The following HSBP1L1 variants were observed in gnomAD, a reference collection of about 807,000 sequenced individuals.
HSBP1L1 encodes the protein heat shock factor binding protein 1 like 1.
A neutral mutation model predicts 9.7 loss-of-function variants in HSBP1L1; 8 were observed. The observed-to-expected ratio is 0.82, with a 90% CI of 0.48 to 1.48. The LOEUF (loss-of-function observed/expected upper bound fraction) is 1.48, where lower values mean the gene tolerates loss of function less well. HSBP1L1 is among the 40% of genes most tolerant of loss of function. The pLI is 0.00. For synonymous variants in HSBP1L1, 39 were observed against 34.4 expected (o/e 1.13, Z -0.46); for missense variants, 106 against 95.8 (o/e 1.11, Z -0.44).
In HSBP1L1 at chr18:79,964,731, T is replaced by C; in HGVS notation, c.-5T>C. 2 of 1,416,382 alleles carry C rather than the reference T, an allele frequency of 1.4e-6. No homozygotes were observed. The highest frequency in any genetic ancestry group is 1.4e-5 in the South Asian group (1 of 70,838). 87.7% of individuals were successfully genotyped at this position (1,416,382 alleles called of 1,614,324 possible). A position where few individuals can be genotyped will look rare whatever the true frequency, so the allele number is the denominator to read the frequency against. ...CCCCACTGACGCCCCCGGCCAGCGG[T>C]CCACATGGACGTGCGGGGCCCTGAA... On this transcript the variant is annotated 5_prime_UTR_variant, in exon 1 of 4. Transcript: ENST00000451882.
intron 2 of HSBP1L1, 193 bp from the exon 3 acceptor site, chr18:79,967,896 A>G (rs1343633968): frequency 4.4e-6 from 2 of 451,396 alleles, no homozygotes. Context: ...CTAAGCTCAC[A>G]GTTTAAAGGT....
At chr18:79,965,827 G>T (rs1490325936) in intron 1 of HSBP1L1, among the ~76,000 whole-genome samples, 1 of 152,202 alleles carries the variant, frequency 6.6e-6, no homozygotes, top group Non-Finnish European at 1.5e-5. Context: ...TGATTCCCGC[G>T]CTGCTTGTTG....
chr18:79,969,283 G>A (rs1189451474), intron 3 of HSBP1L1, among the ~76,000 whole-genome samples: 6 of 24,028 alleles, frequency 2.5e-4, no homozygotes, highest in East Asian at 1.6e-3. Context: ...AGGGAGGGAG[G>A]GAGGGAGGGA....
chr18:79,970,373 CA>C, intron 3 of HSBP1L1, 66 bp from the exon 4 acceptor site: 1 of 717,732 alleles, frequency 1.4e-6, no homozygotes, highest in Non-Finnish European at 2.6e-6. Flanking sequence ...TTATTAAAAT[CA>C]GGGGTGAACA....
At chr18:79,970,081 C>A in intron 3 of HSBP1L1, 1 of 226,976 alleles carries the variant, frequency 4.4e-6, no homozygotes, top group Non-Finnish European at 9.1e-6. Context: ...ATTAAAGCAC[C>A]ACAGTGCCAC....
chr18:79,964,859 TG>T lies in HSBP1L1; in HGVS notation c.51+81del, dbSNP rs1243275558. On this transcript the variant is annotated intron_variant, in intron 1 of 3. Transcript: ENST00000451882. ...GCGGTTCTGGGGGGTTTTGAGGTCC[TG>T]GGGGGGGAGCCTGCGGTGCTGGGGG... The T allele has an allele frequency of 4.7e-3, 277 of 58,758 alleles. 6 individuals are homozygous for T. The highest frequency in any genetic ancestry group is 0.029 in the East Asian group (51 of 1,766). The allele number at this position is 58,758 out of a possible 1,614,324, so 3.6% of individuals were successfully genotyped here.
At chr18:79,968,926 G>A (rs1267287934) in intron 3 of HSBP1L1, among the ~76,000 whole-genome samples, 2 of 149,740 alleles carry the variant, frequency 1.3e-5, no homozygotes, top group Non-Finnish European at 3.0e-5. Flanking sequence ...GGCTCAGCCT[G>A]TAATCCCAGC....
chr18:79,965,287 G>A (rs2051251349), intron 1 of HSBP1L1, among the ~76,000 whole-genome samples: 1 of 152,216 alleles, frequency 6.6e-6, no homozygotes, highest in Non-Finnish European at 1.5e-5. Context: ...AAGAGGACTG[G>A]CTATGAGGAA....
At chr18:79,969,373 A>AAG (rs1435906293) in intron 3 of HSBP1L1, among the ~76,000 whole-genome samples, 1 of 51,312 alleles carries the variant, frequency 1.9e-5, no homozygotes, top group South Asian at 1.1e-3. Flanking sequence ...GAAAGAAAGA[A>AAG]AGAAAGAAAG....
At chr18:79,969,387 GAAAGAAAA>G (rs1302644992) in intron 3 of HSBP1L1, among the ~76,000 whole-genome samples, 70 of 69,246 alleles carry the variant, frequency 1.0e-3, no homozygotes, top group African/African-American at 2.0e-3. Context: ...AAGAAAGAAA[GAAAGAAAA>G]AAAAACGATG....
intron 3 of HSBP1L1, among the ~76,000 whole-genome samples, chr18:79,968,489 G>A (rs1235800923): frequency 6.6e-6 from 1 of 152,116 alleles, no homozygotes; most frequent in Non-Finnish European, 1.5e-5. Context: ...ACCACACCCA[G>A]CTAATTTTTG....
intron 2 of HSBP1L1, chr18:79,967,813 C>T (rs2051265268): frequency 3.1e-6 from 1 of 323,152 alleles, no homozygotes; most frequent in Non-Finnish European, 5.6e-6. Context: ...TTTACATACC[C>T]AGAGTTTGAC....
At chr18:79,970,177 C>T (rs2051287578) in intron 3 of HSBP1L1, 2 of 409,838 alleles carry the variant, frequency 4.9e-6, no homozygotes, top group South Asian at 3.4e-5. Context: ...GAAATCTAAG[C>T]TTTAGTTTTC....
chr18:79,968,060 G>T, intron 2 of HSBP1L1, 29 bp from the exon 3 acceptor site: 2 of 1,441,664 alleles, frequency 1.4e-6, no homozygotes, highest in Non-Finnish European at 1.9e-6. Context: ...CTGGACTCCA[G>T]CTCTACGCAG....
chr18:79,969,882 C>T (rs2051286088), intron 3 of HSBP1L1, among the ~76,000 whole-genome samples: 2 of 152,182 alleles, frequency 1.3e-5, no homozygotes, highest in South Asian at 4.1e-4. Context: ...CAATGCTGCA[C>T]TATTCTTGTC....
At chr18:79,969,653 A>G (rs1472711059) in intron 3 of HSBP1L1, among the ~76,000 whole-genome samples, 1 of 152,196 alleles carries the variant, frequency 6.6e-6, no homozygotes, top group East Asian at 1.9e-4. Flanking sequence ...CACCTAACCA[A>G]GTTTCCTGCA....
At chr18:79,968,277 T>C (rs768348560) in intron 3 of HSBP1L1, 94 bp downstream of exon 3, 29 of 736,606 alleles carry the variant, frequency 3.9e-5, no homozygotes, top group Non-Finnish European at 6.2e-5. Context: ...ACTATGGGAA[T>C]TGCTGCCTCT....
At position 79,964,705 on chromosome 18, in the gene HSBP1L1, C is replaced by G; in HGVS notation, c.-31C>G. 2 of 1,347,612 alleles carry G rather than the reference C, an allele frequency of 1.5e-6. No individual in the cohort carries two copies. The highest frequency in any genetic ancestry group is 1.9e-6 in the Non-Finnish European group (2 of 1,026,884). The allele number at this position is 1,347,612 out of a possible 1,614,324, so 83.5% of individuals were successfully genotyped here. On this transcript the variant is annotated 5_prime_UTR_variant, in exon 1 of 4. Coordinates refer to ENST00000451882, the MANE Select transcript of HSBP1L1 (RefSeq NM_001136180.2). ...GCCGGGTCCGCGCGGCCCACGGGACCCCCCACTGACGCCCCCGGCCAGCGG... is the reference window on the plus strand; with the variant it reads ...GCCGGGTCCGCGCGGCCCACGGGACGCCCCACTGACGCCCCCGGCCAGCGG...
intron 3 of HSBP1L1, among the ~76,000 whole-genome samples, chr18:79,969,249 GGAGAGAGA>G (rs1287004328): frequency 2.1e-5 from 1 of 46,976 alleles, no homozygotes; most frequent in Admixed American, 2.8e-4. Flanking sequence ...AGAGAGGAGA[GGAGAGAGA>G]GAGAGGGAGG....
Sources: gnomAD v4.1 joint callset for allele counts (sites outside exome capture counted in the v4.1 genomes callset) on GRCh38, gnomAD v4.1.1 for gene constraint, MANE v1.5 for transcripts, NCBI Gene and HGNC (gene_info 2026-07-23, HGNC 2026-07-21) for gene names.